PARD3B: variants seen among roughly 807,000 people sequenced by gnomAD.
The protein encoded by PARD3B is par-3 family cell polarity regulator beta.
In PARD3B, 103 loss-of-function variants were observed where a neutral mutation model predicts 130.2. The ratio of observed to expected loss-of-function variants is 0.79; its 90% CI spans 0.67 to 0.93. PARD3B has a LOEUF of 0.93. Ranked by LOEUF, PARD3B falls within the 40% of genes least tolerant of loss-of-function variation. The pLI is 0.00. For missense variants in PARD3B, 1,609 were observed against 1,499.2 expected (o/e 1.07, Z -1.21); for synonymous variants, 583 against 553.2 (o/e 1.05, Z -0.76).
At chr2:205,453,415 A>G (rs2048169626) in intron 20 of PARD3B, among the ~76,000 whole-genome samples, 1 of 152,184 alleles carries the variant, frequency 6.6e-6, no homozygotes, top group Non-Finnish European at 1.5e-5. Flanking sequence ...CAGATAATCT[A>G]AGATAAAACA....
intron 3 of PARD3B, among the ~76,000 whole-genome samples, chr2:204,983,386 A>T (rs527300287): frequency 7.0e-6 from 1 of 143,384 alleles, no homozygotes; most frequent in East Asian, 2.3e-4. Flanking sequence ...CAAAAATGTA[A>T]GCATGGTGGC....
chr2:205,450,017 G>C (rs1304990410), intron 20 of PARD3B, among the ~76,000 whole-genome samples: 1 of 152,150 alleles, frequency 6.6e-6, no homozygotes, highest in Non-Finnish European at 1.5e-5. Flanking sequence ...CCAGGGCCTT[G>C]GTTCAAATGT....
rs1263181293 is a variant in PARD3B at position 205,300,723 on chromosome 2, A to C, written c.2379A>C (p.Glu793Asp). Residue 793 changes from glutamate (E) to aspartate (D), a missense_variant, in exon 17 of 23, where the codon GAA becomes GAC. Glu to Asp is a conservative substitution (Grantham distance 45). Coordinates refer to ENST00000406610, the MANE Select transcript of PARD3B (RefSeq NM_001302769.2). The surrounding 1 kb of genome is among the most constrained non-coding windows in gnomAD (Gnocchi z 4.1). ...AAIDKSYDGP[E>D]EIEADGLSDK... is the part of the protein sequence containing the mutation. ...TTGACAAATCCTACGATGGACCTGAAGAAATAGAAGCTGGTAGGATGATAT... is the reference window on the plus strand; with the variant it reads ...TTGACAAATCCTACGATGGACCTGACGAAATAGAAGCTGGTAGGATGATAT... 6.2e-7 allele frequency: 1 copy of C among 1,610,752 alleles called. No individual in the cohort carries two copies. The highest frequency in any genetic ancestry group is 1.7e-5 in the Admixed American group (1 of 59,966).
chr2:205,440,798 C>A lies in PARD3B; in HGVS notation c.3044+126C>A. 1 of 991,392 alleles carries A rather than the reference C, an allele frequency of 1.0e-6. No homozygotes were observed. The highest frequency in any genetic ancestry group is 1.5e-6 in the Non-Finnish European group (1 of 684,894). The allele number at this position is 991,392 out of a possible 1,614,324, so 61.4% of individuals were successfully genotyped here. ...AACTGAAACGAGTCAGTACCCTAGA[C>A]AAGTGCCATCCTTTGACCGACCTGT... On this transcript the variant is annotated intron_variant, in intron 20 of 22. Transcript: ENST00000406610. This position sits in a 1 kb window ranked among gnomAD's most constrained non-coding sequence, Gnocchi z 4.2.
intron 18 of PARD3B, among the ~76,000 whole-genome samples, chr2:205,389,324 A>G (rs548983360): frequency 6.6e-6 from 1 of 152,194 alleles, no homozygotes; most frequent in Admixed American, 6.5e-5. Context: ...GAACTCTTCT[A>G]TGAAAGAGTA....
chr2:205,199,564 A>G (rs577575551), intron 15 of PARD3B, among the ~76,000 whole-genome samples: 12 of 152,140 alleles, frequency 7.9e-5, no homozygotes, highest in Non-Finnish European at 1.6e-4. Flanking sequence ...AAACAGCTGC[A>G]TGAGAGGAGA....
chr2:205,092,721 A>G (rs1364055806), intron 4 of PARD3B, among the ~76,000 whole-genome samples: 2 of 152,242 alleles, frequency 1.3e-5, no homozygotes, highest in Admixed American at 6.5e-5. Flanking sequence ...GTCTTGCCTC[A>G]AGTGTAAGGT....
At chr2:205,203,371 T>G (rs748548038) in intron 15 of PARD3B, among the ~76,000 whole-genome samples, 34 of 152,054 alleles carry the variant, frequency 2.2e-4, no homozygotes, top group Non-Finnish European at 7.4e-5. Flanking sequence ...TATCTAGGAT[T>G]CTAAGCCTTT....
chr2:204,672,089 A>C (rs958895856), intron 1 of PARD3B, among the ~76,000 whole-genome samples: 31 of 152,176 alleles, frequency 2.0e-4, no homozygotes, highest in Admixed American at 1.6e-3. Flanking sequence ...TTAGTAGTGT[A>C]ATAATGGTAT....
chr2:204,970,057 G>A lies in PARD3B; in HGVS notation c.394+4734G>A, dbSNP rs566462156. On this transcript the variant is annotated intron_variant, in intron 3 of 22. Coordinates refer to ENST00000406610, the MANE Select transcript of PARD3B (RefSeq NM_001302769.2). ...GATTTTTTAAGTATGTACATATAGG[G>A]CCATCTGTAAAAAAGACAAATTAGT... is the stretch of plus-strand genomic sequence containing the variant. Among the ~76,000 whole-genome samples the A allele has an allele frequency of 1.4e-3, 215 of 152,128 alleles. 1 individual carries two copies. Among genetic ancestry groups the A allele is most frequent in the African/African-American group, 4.9e-3 (202 of 41,492 alleles).
At chr2:205,306,251 G>A (rs1024129435) in intron 18 of PARD3B, among the ~76,000 whole-genome samples, 2 of 152,156 alleles carry the variant, frequency 1.3e-5, no homozygotes, top group African/African-American at 4.8e-5. Flanking sequence ...CTTGGTTTTA[G>A]CCCTGTTGTG....
rs2053013562 is a variant in PARD3B, at chr2:205,558,802, C to T, written c.3260+5399C>T. 6.6e-6 allele frequency among the ~76,000 whole-genome samples: 1 copy of T among 152,160 alleles called. No homozygotes were observed. The highest frequency in any genetic ancestry group is 6.5e-5 in the Admixed American group (1 of 15,270). On this transcript the variant is annotated intron_variant, in intron 22 of 22. Coordinates refer to ENST00000406610, the MANE Select transcript of PARD3B (RefSeq NM_001302769.2). The surrounding 1 kb of genome is among the most constrained non-coding windows in gnomAD (Gnocchi z 4.8). ...ACTCCTCCTTCTGCCTCCAAGACGC[C>T]TCCAAGTCCCCCTGCCAAAACCCAT...
intron 18 of PARD3B, among the ~76,000 whole-genome samples, chr2:205,331,893 G>C (rs1302872694): frequency 6.6e-6 from 1 of 151,120 alleles, no homozygotes; most frequent in African/African-American, 2.4e-5. Context: ...AGATCACAAG[G>C]TCAGGAGTTC....
At chr2:205,210,851 T>C (rs1418542072) in intron 15 of PARD3B, among the ~76,000 whole-genome samples, 1 of 152,158 alleles carries the variant, frequency 6.6e-6, no homozygotes, top group African/African-American at 2.4e-5. Context: ...TCTGAGCATT[T>C]CCTTTATAAG....
chr2:205,331,265 C>CCA (rs56170026), intron 18 of PARD3B, among the ~76,000 whole-genome samples: 3,445 of 148,646 alleles, frequency 0.023, 59 homozygotes, highest in South Asian at 0.037. Flanking sequence ...CACATATATT[C>CCA]CACACACACA....
chr2:205,052,508 A>T (rs1699292291), intron 4 of PARD3B, among the ~76,000 whole-genome samples: 1 of 148,970 alleles, frequency 6.7e-6, no homozygotes. Flanking sequence ...GTTCATGGAT[A>T]GATTTCAGGG....
chr2:205,314,365 A>G (rs2042490916), intron 18 of PARD3B, among the ~76,000 whole-genome samples: 2 of 152,150 alleles, frequency 1.3e-5, no homozygotes, highest in South Asian at 2.1e-4. Flanking sequence ...TTTTGTTCCT[A>G]TGGTGTCAGC....
intron 15 of PARD3B, among the ~76,000 whole-genome samples, chr2:205,226,234 G>A (rs539403071): frequency 6.6e-6 from 1 of 152,142 alleles, no homozygotes; most frequent in South Asian, 2.1e-4. Flanking sequence ...GTAGAGACGA[G>A]GTTTCATCGT....
At chr2:205,048,616 T>G (rs1698967975) in intron 4 of PARD3B, 1 of 152,182 alleles carries the variant, frequency 6.6e-6, no homozygotes, top group Non-Finnish European at 1.5e-5. Flanking sequence ...AATAAACACA[T>G]CATTTATAGG....
Sources: gnomAD v4.1 joint callset for allele counts (sites outside exome capture counted in the v4.1 genomes callset) on GRCh38, gnomAD v4.1.1 for gene constraint, Gnocchi (gnomAD v3.1) non-coding constraint, MANE v1.5 for transcripts, NCBI Gene and HGNC (gene_info 2026-07-23, HGNC 2026-07-21) for gene names.